Variants in ACSL1 observed in about 807,000 individuals in gnomAD.
ACSL1 encodes the protein acyl-CoA synthetase long chain family member 1.
In ACSL1, 41 loss-of-function variants were observed where a neutral mutation model predicts 98.4. That is an observed-to-expected ratio of 0.42 (90% confidence interval 0.32 to 0.54). The LOEUF (loss-of-function observed/expected upper bound fraction) is 0.54, where lower values mean the gene tolerates loss of function less well. Ranked by LOEUF, ACSL1 falls within the 20% of genes least tolerant of loss-of-function variation. The pLI, the probability that ACSL1 is intolerant of heterozygous loss-of-function variation, is 0.13. For missense variants in ACSL1, 734 were observed against 883.1 expected (o/e 0.83, Z 2.14); for synonymous variants, 316 against 322.7 (o/e 0.98, Z 0.22).
rs1334093439 is a variant in ACSL1, at chr4:184,758,007, TG to T, written c.1783-88del. Reference sequence around the variant, plus strand: ...TTTATTTTTCCATCTTGTGGCCCCCTGGGAGAATATGATGAAAGTTATGGCT... The same window carrying T: ...TTTATTTTTCCATCTTGTGGCCCCCTGGAGAATATGATGAAAGTTATGGCT... On this transcript the variant is annotated intron_variant, in intron 18 of 20. Coordinates refer to ENST00000281455, the MANE Select transcript of ACSL1 (RefSeq NM_001995.5). 118 of 1,285,610 alleles carry T rather than the reference TG, an allele frequency of 9.2e-5. No homozygotes were observed. In the East Asian group the frequency reaches 2.5e-3, roughly 27 times the overall value. 79.6% of individuals were successfully genotyped at this position (1,285,610 alleles called of 1,614,324 possible).
At chr4:184,820,894 T>C in intron 1 of ACSL1, 2 of 383,664 alleles carry the variant, frequency 5.2e-6, no homozygotes, top group East Asian at 1.5e-4. Flanking sequence ...CCTGGAACTT[T>C]CTAGGCCCTC....
At chr4:184,817,699 GAA>G (rs1772745855) in intron 1 of ACSL1, among the ~76,000 whole-genome samples, 1 of 152,168 alleles carries the variant, frequency 6.6e-6, no homozygotes. Flanking sequence ...AAAGAGGGAG[GAA>G]AAGACACTCA....
intron 1 of ACSL1, among the ~76,000 whole-genome samples, chr4:184,813,029 C>CAAACAAAACA (rs377037417): frequency 6.6e-6 from 1 of 152,090 alleles, no homozygotes; most frequent in East Asian, 1.9e-4. Flanking sequence ...TTCTCCAGAG[C>CAAACAAAACA]AAACAAAACA....
chr4:184,797,577 T>A (rs1215941334), intron 2 of ACSL1, among the ~76,000 whole-genome samples: 1 of 152,194 alleles, frequency 6.6e-6, no homozygotes, highest in South Asian at 2.1e-4. Context: ...TTTTGAGTTG[T>A]AAACCATGCT....
rs1177850225 is a variant in ACSL1, at chr4:184,825,545, C to G, written c.-33+371G>C. The stretch of plus-strand genomic sequence containing the variant: ...GGCAACGTCAGCGGCCCAGCTGGGC[C>G]ACCTCCTCCCAGCCGAAGCGCGGCC... On this transcript the variant is annotated intron_variant, in intron 1 of 20. Transcript: ENST00000281455. The surrounding 1 kb of genome is among the most constrained non-coding windows in gnomAD (Gnocchi z 4.7). Among the ~76,000 whole-genome samples the G allele has an allele frequency of 2.6e-5, 4 of 151,632 alleles. No homozygotes were observed. Among genetic ancestry groups the G allele is most frequent in the African/African-American group, 9.7e-5 (4 of 41,382 alleles).
At chr4:184,786,553 TA>T (rs1348117331) in intron 3 of ACSL1, among the ~76,000 whole-genome samples, 1 of 152,086 alleles carries the variant, frequency 6.6e-6, no homozygotes, top group Non-Finnish European at 1.5e-5. Flanking sequence ...AGAATGTTCA[TA>T]AATTAAATAA....
At chr4:184,812,471 A>G (rs1772218927) in intron 1 of ACSL1, among the ~76,000 whole-genome samples, 1 of 152,130 alleles carries the variant, frequency 6.6e-6, no homozygotes, top group Non-Finnish European at 1.5e-5. Flanking sequence ...AGACTCCTAC[A>G]CCGCACACCA....
intron 1 of ACSL1, among the ~76,000 whole-genome samples, chr4:184,816,198 T>C (rs1358639761): frequency 5.9e-5 from 9 of 151,958 alleles, no homozygotes; most frequent in Admixed American, 5.9e-4. Flanking sequence ...GGACGCAGCC[T>C]GCAAAAAACA....
chr4:184,782,778 T>C (rs907626297), intron 4 of ACSL1, among the ~76,000 whole-genome samples: 5 of 152,126 alleles, frequency 3.3e-5, no homozygotes, highest in Non-Finnish European at 7.4e-5. Flanking sequence ...GAGAGACAGA[T>C]GAACACCTCT....
At chr4:184,788,355 G>A in intron 3 of ACSL1, 1 of 573,796 alleles carries the variant, frequency 1.7e-6, no homozygotes, top group Non-Finnish European at 3.3e-6. Context: ...AGCCTATTGT[G>A]CACTGGTGTA....
At chr4:184,823,792 TTA>T (rs1773250355) in intron 1 of ACSL1, among the ~76,000 whole-genome samples, 1 of 152,226 alleles carries the variant, frequency 6.6e-6, no homozygotes, top group Admixed American at 6.5e-5. Flanking sequence ...AAGCCCTGGG[TTA>T]TATATAATGG....
intron 2 of ACSL1, among the ~76,000 whole-genome samples, chr4:184,797,762 A>G (rs996840954): frequency 6.6e-6 from 1 of 152,218 alleles, no homozygotes; most frequent in Non-Finnish European, 1.5e-5. Context: ...AAGGGGTCCG[A>G]GCGGTACTTC....
Position 184,768,377 on chromosome 4 carries a change from T to A in ACSL1, c.1067A>T (p.Lys356Met), listed in dbSNP as rs761614480. The A allele has an allele frequency of 1.2e-6, 2 of 1,613,528 alleles. No individual in the cohort carries two copies. Among genetic ancestry groups the A allele is most frequent in the Admixed American group, 3.3e-5 (2 of 59,774 alleles). ...GDIRLLMDDL[K>M]VLQPTVFPVV... is the part of the protein sequence containing the mutation. ...GGGGAAGACAGTGGGTTGAAGCACCTTGAGGTCATCCATGAGCAGCCTGAT... is the reference window on the plus strand; with the variant it reads ...GGGGAAGACAGTGGGTTGAAGCACCATGAGGTCATCCATGAGCAGCCTGAT... Residue 356 changes from lysine (K) to methionine (M), a missense_variant, in exon 12 of 21, where the codon AAG becomes ATG. By Grantham distance (95) the Lys-to-Met change is moderately conservative. Transcript: ENST00000281455.
At chr4:184,767,797 C>T (rs1763850539) in intron 12 of ACSL1, among the ~76,000 whole-genome samples, 1 of 152,208 alleles carries the variant, frequency 6.6e-6, no homozygotes, top group South Asian at 2.1e-4. Context: ...CCTGGCTGTG[C>T]GGTCCACGCA....
At position 184,776,346 on chromosome 4, in the gene ACSL1, G is replaced by C; in HGVS notation, c.756+138C>G. On this transcript the variant is annotated intron_variant, in intron 7 of 20. Coordinates refer to ENST00000281455, the MANE Select transcript of ACSL1 (RefSeq NM_001995.5). ...TTCCAGCAATGAGACAGAAGTTTCTGCTCTCTTTCATGGGTTGCGGAGGCA... is the reference window on the plus strand; with the variant it reads ...TTCCAGCAATGAGACAGAAGTTTCTCCTCTCTTTCATGGGTTGCGGAGGCA... 8.4e-6 allele frequency: 7 copies of C among 832,516 alleles called. No homozygotes were observed. The South Asian group carries it at 1.4e-4, about 17-fold the overall frequency. 51.6% of individuals were successfully genotyped at this position (832,516 alleles called of 1,614,324 possible). A position where few individuals can be genotyped will look rare whatever the true frequency, so the allele number is the denominator to read the frequency against.
chr4:184,798,351 A>T (rs1769821767), intron 2 of ACSL1: 1 of 152,240 alleles, frequency 6.6e-6, no homozygotes, highest in African/African-American at 2.4e-5. Flanking sequence ...AACAAATAAC[A>T]CATATCACAG....
At chr4:184,815,330 T>C (rs1055684708) in intron 1 of ACSL1, among the ~76,000 whole-genome samples, 17 of 152,048 alleles carry the variant, frequency 1.1e-4, no homozygotes, top group Non-Finnish European at 1.9e-4. Flanking sequence ...GCAGCCGCAT[T>C]GTAAGGCAAC....
intron 3 of ACSL1, among the ~76,000 whole-genome samples, chr4:184,786,651 T>C (rs924081558): frequency 6.6e-6 from 1 of 151,608 alleles, no homozygotes; most frequent in African/African-American, 2.4e-5. Context: ...AGCTGAGACA[T>C]CCAATGTTAC....
chr4:184,814,848 T>A (rs1001659166), intron 1 of ACSL1, among the ~76,000 whole-genome samples: 3 of 152,170 alleles, frequency 2.0e-5, no homozygotes, highest in Admixed American at 1.3e-4. Context: ...GCTCAGCCAC[T>A]GACCTGCTAT....
Sources: gnomAD v4.1 joint callset for allele counts (sites outside exome capture counted in the v4.1 genomes callset) on GRCh38, gnomAD v4.1.1 for gene constraint, Gnocchi (gnomAD v3.1) non-coding constraint, MANE v1.5 for transcripts, NCBI Gene and HGNC (gene_info 2026-07-23, HGNC 2026-07-21) for gene names.